Variants in AHR observed in about 807,000 individuals in gnomAD.
AHR encodes aryl hydrocarbon receptor.
A neutral mutation model predicts 86.8 loss-of-function variants in AHR; 40 were observed. The ratio of observed to expected loss-of-function variants is 0.46; its 90% CI spans 0.36 to 0.60. The LOEUF (loss-of-function observed/expected upper bound fraction) is 0.60. Among genes scored for constraint, AHR ranks in the 20% least tolerant of loss-of-function variants. The pLI, the probability that AHR is intolerant of heterozygous loss-of-function variation, is 0.00. For synonymous variants in AHR, 398 were observed against 354.9 expected, an observed-to-expected ratio of 1.12 and a Z score of -1.37; for missense variants, 1,001 against 1,011.6, an observed-to-expected ratio of 0.99 and a Z score of 0.14.
At chr7:17,338,486 C>T (rs1315855509) in intron 9 of AHR, among the ~76,000 whole-genome samples, 1 of 152,128 alleles carries the variant, frequency 6.6e-6, no homozygotes, top group African/African-American at 2.4e-5. Context: ...TCCAGAGTAG[C>T]TGAAGACTGT....
intron 6 of AHR, 59 bp from the exon 7 acceptor site, chr7:17,333,853 A>G: frequency 7.1e-7 from 1 of 1,408,404 alleles, no homozygotes; most frequent in South Asian, 1.2e-5. Flanking sequence ...CCTTTTAAAA[A>G]GGCACTATTT....
intron 1 of AHR, among the ~76,000 whole-genome samples, chr7:17,304,262 C>A (rs1781983587): frequency 6.6e-6 from 1 of 152,046 alleles, no homozygotes; most frequent in African/African-American, 2.4e-5. Context: ...TCACTTTAAC[C>A]TTTTTCACCT....
chr7:17,303,921 T>G (rs139731772), intron 1 of AHR, among the ~76,000 whole-genome samples: 72 of 152,272 alleles, frequency 4.7e-4, no homozygotes, highest in African/African-American at 1.6e-3. Context: ...AAAAATATTA[T>G]TGTCAATTTC....
At chr7:17,331,952 G>C (rs915953146) in intron 6 of AHR, among the ~76,000 whole-genome samples, 1 of 151,958 alleles carries the variant, frequency 6.6e-6, no homozygotes, top group Non-Finnish European at 1.5e-5. Flanking sequence ...TGCTGACCCA[G>C]AATTAGAATT....
At chr7:17,303,371 G>A (rs1781973362) in intron 1 of AHR, among the ~76,000 whole-genome samples, 2 of 152,014 alleles carry the variant, frequency 1.3e-5, no homozygotes, top group Admixed American at 1.3e-4. Flanking sequence ...TACTGTCCAG[G>A]TGAACAGATT....
chr7:17,335,729 G>A lies in AHR; in HGVS notation c.1103G>A (p.Arg368His), dbSNP rs767805041. 7 of 1,612,392 alleles carry A rather than the reference G, an allele frequency of 4.3e-6. No individual in the cohort carries two copies. Among genetic ancestry groups the A allele is most frequent in the Non-Finnish European group, 5.9e-6 (7 of 1,179,036 alleles). ...TGGACTTGGGTCCAGTCTAATGCAC[G>A]CCTGCTTTATAAAAATGGAAGACCA... ...NRWTWVQSNA[R>H]LLYKNGRPDY... The change falls in exon 9 of 11, where the codon CGC (arginine) becomes CAC (histidine). Residue 368 changes from arginine to histidine, a missense_variant. Physicochemically the swap from Arg to His is conservative, Grantham distance 29 (BLOSUM62 0). Coordinates refer to ENST00000242057, the MANE Select transcript of AHR (RefSeq NM_001621.5).
chr7:17,319,410 C>G (rs1369667322), intron 2 of AHR, among the ~76,000 whole-genome samples: 1 of 152,094 alleles, frequency 6.6e-6, no homozygotes, highest in Non-Finnish European at 1.5e-5. Flanking sequence ...ACACTGAGGT[C>G]TGGCTACCTG....
intron 2 of AHR, among the ~76,000 whole-genome samples, chr7:17,314,541 AGGTTTTCC>A (rs928141500): frequency 2.6e-5 from 4 of 152,042 alleles, no homozygotes; most frequent in African/African-American, 9.7e-5. Context: ...CCAGTTCATT[AGGTTTTCC>A]AAAGAGAGCT....
chr7:17,306,263 C>G (rs1034145175), intron 1 of AHR, among the ~76,000 whole-genome samples: 1 of 152,038 alleles, frequency 6.6e-6, no homozygotes, highest in Non-Finnish European at 1.5e-5. Context: ...TAAGATTACT[C>G]TATTTTTAAT....
At chr7:17,340,330 C>A in intron 10 of AHR, 102 bp downstream of exon 10, 1 of 1,415,674 alleles carries the variant, frequency 7.1e-7, no homozygotes, top group Non-Finnish European at 9.3e-7. Context: ...CGGTTATCTA[C>A]AGCATTCATG....
chr7:17,338,886 T>C (rs1027643596), intron 9 of AHR, 100 bp from the exon 10 acceptor site: 64 of 1,152,276 alleles, frequency 5.6e-5, no homozygotes, highest in South Asian at 2.6e-4. Context: ...CTGAATTCAA[T>C]TACAATGTAT....
chr7:17,335,603 G>T, intron 8 of AHR, 42 bp from the exon 9 acceptor site: 1 of 1,498,330 alleles, frequency 6.7e-7, no homozygotes, highest in South Asian at 1.2e-5. Context: ...TTACTATATT[G>T]ATTTGGGGGT....
At chr7:17,336,226 G>A (rs955238649) in intron 9 of AHR, among the ~76,000 whole-genome samples, 1 of 152,030 alleles carries the variant, frequency 6.6e-6, no homozygotes, top group African/African-American at 2.4e-5. Flanking sequence ...TGTAGCTTGA[G>A]GTAAGGATTG....
chr7:17,301,346 A>G (rs1490264405), intron 1 of AHR, among the ~76,000 whole-genome samples: 1 of 152,068 alleles, frequency 6.6e-6, no homozygotes, highest in Non-Finnish European at 1.5e-5. Flanking sequence ...CATTAAACCT[A>G]GTATTAAATT....
intron 9 of AHR, among the ~76,000 whole-genome samples, 157 bp from the exon 10 acceptor site, chr7:17,338,829 G>A (rs1483698280): frequency 6.6e-6 from 1 of 151,950 alleles, no homozygotes; most frequent in Non-Finnish European, 1.5e-5. Context: ...CAATTTTATA[G>A]CACCAGTCAT....
intron 10 of AHR, among the ~76,000 whole-genome samples, chr7:17,340,893 G>A (rs775295626): frequency 9.9e-5 from 15 of 151,938 alleles, no homozygotes; most frequent in Non-Finnish European, 2.1e-4. Flanking sequence ...TGGAAATCAA[G>A]CTTGATAGTG....
chr7:17,325,541 A>G (rs1782219472), intron 3 of AHR, among the ~76,000 whole-genome samples: 1 of 152,226 alleles, frequency 6.6e-6, no homozygotes, highest in African/African-American at 2.4e-5. Flanking sequence ...TAACTATTCA[A>G]GTTCTTATGG....
At position 17,334,946 on chromosome 7, in the gene AHR, A is replaced by G; in HGVS notation, c.968A>G (p.Gln323Arg). 1 of 1,613,370 alleles carries G rather than the reference A, an allele frequency of 6.2e-7. No individual in the cohort carries two copies. The highest frequency in any genetic ancestry group is 8.5e-7 in the Non-Finnish European group (1 of 1,179,468). ...CTGTGCACGAGAGGCTCAGGTTATC[A>G]GTTTATTCATGCAGCTGATATGCTT... ...AELCTRGSGY[Q>R]FIHAADMLYC... Residue 323 changes from glutamine to arginine, a missense_variant, in exon 8 of 11, where the codon CAG becomes CGG. Gln to Arg is a conservative substitution (Grantham distance 43). Coordinates refer to ENST00000242057, the MANE Select transcript of AHR (RefSeq NM_001621.5).
At chr7:17,321,634 GAA>G (rs1782175004) in intron 2 of AHR, among the ~76,000 whole-genome samples, 1 of 149,998 alleles carries the variant, frequency 6.7e-6, no homozygotes, top group African/African-American at 2.4e-5. Context: ...GGAAAAAAAA[GAA>G]GAGATAGCAT....
Sources: allele counts gnomAD v4.1 joint callset (sites outside exome capture counted in the v4.1 genomes callset), GRCh38; gene constraint gnomAD v4.1.1; transcripts MANE v1.5; gene names NCBI Gene and HGNC (gene_info 2026-07-23, HGNC 2026-07-21).